The following OTOF variants were observed in gnomAD, a reference collection of about 807,000 sequenced individuals.
OTOF encodes otoferlin.
OTOF carries 218 observed loss-of-function variants against 236.8 expected under a neutral mutation model. That is an observed-to-expected ratio of 0.92 (90% CI 0.82 to 1.03). The LOEUF is 1.03. Ranked by LOEUF, OTOF falls within the 50% of genes least tolerant of loss-of-function variation. The pLI is 0.00. For synonymous variants in OTOF, 1,041 were observed against 1,072.5 expected (o/e 0.97, Z 0.57); for missense variants, 2,590 against 2,694.4 (o/e 0.96, Z 0.86).
chr2:26,516,330 C>T, intron 5 of OTOF, 88 bp downstream of exon 5: 2 of 1,267,870 alleles, frequency 1.6e-6, no homozygotes, highest in South Asian at 2.7e-5. Context: ...CCAGCTAGGC[C>T]TAGAGAGGCC....
chr2:26,511,732 G>C (rs1402532212), intron 5 of OTOF, among the ~76,000 whole-genome samples: 1 of 152,220 alleles, frequency 6.6e-6, no homozygotes, highest in African/African-American at 2.4e-5. Flanking sequence ...CATAGGAGGA[G>C]GAATGTGTCT....
intron 9 of OTOF, 127 bp downstream of exon 9, chr2:26,494,815 G>A (rs533666814): frequency 5.6e-6 from 6 of 1,070,138 alleles, no homozygotes; most frequent in African/African-American, 3.1e-5. Context: ...TTGTAACAGG[G>A]TGGATCACCC....
intron 5 of OTOF, among the ~76,000 whole-genome samples, chr2:26,505,142 T>C (rs1396874314): frequency 1.3e-5 from 2 of 152,290 alleles, no homozygotes; most frequent in African/African-American, 4.8e-5. Context: ...ACTGTTCATA[T>C]GCAGGACAAA....
At chr2:26,468,278 C>G in intron 33 of OTOF, 130 bp downstream of exon 33, 1 of 768,474 alleles carries the variant, frequency 1.3e-6, no homozygotes, top group South Asian at 1.4e-5. Flanking sequence ...ATTACTGATG[C>G]TGCTTCCCTG....
At chr2:26,504,073 A>G (rs2148080784) in intron 5 of OTOF, among the ~76,000 whole-genome samples, 1 of 152,198 alleles carries the variant, frequency 6.6e-6, no homozygotes, top group East Asian at 1.9e-4. Context: ...CCATCCTTTC[A>G]CACACGGAGG....
rs1157118709 is a variant in OTOF at position 26,501,805 on chromosome 2, A to G, written c.714T>C (p.Ser238=). Residue 238 remains serine (S), a synonymous_variant, in exon 8 of 47, where the codon TCT becomes TCC. Coordinates refer to ENST00000272371, the MANE Select transcript of OTOF (RefSeq NM_194248.3). ...TTGGCTCCATCTTAATGTCTGGCTT[A>G]GATCTGAGGAAGAGAATGTACCATC... ...ALTTNVSNKR[S]KPDIKMEPSA... 6.2e-7 allele frequency: 1 copy of G among 1,613,226 alleles called. No homozygotes were observed.
At chr2:26,552,185 T>A (rs1667478704) in intron 1 of OTOF, among the ~76,000 whole-genome samples, 1 of 147,520 alleles carries the variant, frequency 6.8e-6, no homozygotes, top group Non-Finnish European at 1.5e-5. Context: ...AGCCCGGGAG[T>A]TCAAGACCAG....
chr2:26,543,287 C>A (rs559700864), intron 1 of OTOF, among the ~76,000 whole-genome samples: 157 of 152,336 alleles, frequency 1.0e-3, no homozygotes, highest in African/African-American at 3.6e-3. Context: ...AGGTGTGCGG[C>A]CCGGCACAAC....
intron 30 of OTOF, chr2:26,472,193 T>C (rs1665017622): frequency 7.4e-6 from 3 of 403,948 alleles, no homozygotes; most frequent in East Asian, 1.2e-4. Flanking sequence ...CATGCATACA[T>C]GCACGATGCA....
chr2:26,557,590 G>A (rs1237845537), intron 1 of OTOF, among the ~76,000 whole-genome samples: 5 of 152,146 alleles, frequency 3.3e-5, no homozygotes, highest in African/African-American at 9.7e-5. Flanking sequence ...TTCAGTTCCA[G>A]AGTTTCAGCT....
At chr2:26,506,784 G>A (rs1176619347) in intron 5 of OTOF, among the ~76,000 whole-genome samples, 2 of 152,208 alleles carry the variant, frequency 1.3e-5, no homozygotes, top group African/African-American at 2.4e-5. Flanking sequence ...TGGATCACTT[G>A]AGGTCAGGAG....
intron 5 of OTOF, among the ~76,000 whole-genome samples, chr2:26,504,275 G>T (rs547274403): frequency 2.6e-5 from 4 of 152,196 alleles, no homozygotes; most frequent in Non-Finnish European, 4.4e-5. Context: ...GAGAAAGCCC[G>T]AGGACTGGAG....
At position 26,473,090 on chromosome 2, in the gene OTOF, G is replaced by A. The variant is rs767869855; in HGVS notation, c.3733+42C>T. ...GGAGACCTGGAGCCCTTCCCTGGGGGGCGTGGAGCCAGGCTTGGTGGCAGG... is the reference window on the plus strand; with the variant it reads ...GGAGACCTGGAGCCCTTCCCTGGGGAGCGTGGAGCCAGGCTTGGTGGCAGG... On this transcript the variant is annotated intron_variant, in intron 29 of 46. Coordinates refer to ENST00000272371, the MANE Select transcript of OTOF (RefSeq NM_194248.3). The surrounding 1 kb of genome is among the most constrained non-coding windows in gnomAD (Gnocchi z 7.2). 1.9e-6 allele frequency: 3 copies of A among 1,590,838 alleles called. No homozygotes were observed. The highest frequency in any genetic ancestry group is 2.6e-6 in the Non-Finnish European group (3 of 1,165,116).
intron 7 of OTOF, 108 bp from the exon 8 acceptor site, chr2:26,501,916 G>C (rs963271391): frequency 2.3e-5 from 19 of 822,802 alleles, no homozygotes; most frequent in Non-Finnish European, 4.1e-5. Context: ...CAGAATCATG[G>C]TCTTTAAACA....
Position 26,464,895 on chromosome 2 carries a change from CCA to C in OTOF, c.4932_4933del (p.Gly1645AlafsTer3). On this transcript the variant is annotated frameshift_variant, in exon 39 of 47. Transcript: ENST00000272371. LOFTEE classifies it high-confidence loss of function. Reference sequence around the variant, plus strand: ...GTTCTCGTCCTCAATCTCAGAGGGCCCAGTGAAGACGCGGTTGGCCACCTTCA... The same window carrying C: ...GTTCTCGTCCTCAATCTCAGAGGGCCGTGAAGACGCGGTTGGCCACCTTCA... The C allele has an allele frequency of 6.2e-7, 1 of 1,601,228 alleles. No individual in the cohort carries two copies.
At chr2:26,482,244 A>C (rs1229884928) in intron 14 of OTOF, among the ~76,000 whole-genome samples, 162 bp downstream of exon 14, 3 of 150,674 alleles carry the variant, frequency 2.0e-5, no homozygotes, top group South Asian at 4.2e-4. Flanking sequence ...ACAAATCCTC[A>C]CCCTCCCCCT....
chr2:26,507,025 C>T (rs1300724705), intron 5 of OTOF, among the ~76,000 whole-genome samples: 1 of 152,208 alleles, frequency 6.6e-6, no homozygotes, highest in Non-Finnish European at 1.5e-5. Context: ...ACTTGTCCAA[C>T]TATCTCTACT....
intron 32 of OTOF, among the ~76,000 whole-genome samples, chr2:26,469,217 A>T (rs1416398819): frequency 6.6e-6 from 1 of 152,206 alleles, no homozygotes; most frequent in East Asian, 1.9e-4. Flanking sequence ...AGCACACCCC[A>T]TCTTACTGGA....
At chr2:26,479,206 C>G in intron 18 of OTOF, 58 bp downstream of exon 18, 1 of 1,599,096 alleles carries the variant, frequency 6.3e-7, no homozygotes, top group South Asian at 1.1e-5. Context: ...GGAAGGCCCT[C>G]TGACAGCGCC....
Sources: allele counts gnomAD v4.1 joint callset (sites outside exome capture counted in the v4.1 genomes callset), GRCh38; gene constraint gnomAD v4.1.1; non-coding constraint Gnocchi (gnomAD v3.1); transcripts MANE v1.5; gene names NCBI Gene and HGNC (gene_info 2026-07-23, HGNC 2026-07-21).